NBEA: variants seen among roughly 807,000 people sequenced by gnomAD.
NBEA encodes the protein neurobeachin, also known as lysosomal-trafficking regulator 2.
In NBEA, 44 loss-of-function variants were observed where a neutral mutation model predicts 343.4. The ratio of observed to expected loss-of-function variants is 0.13; its 90% confidence interval spans 0.10 to 0.16. The LOEUF (loss-of-function observed/expected upper bound fraction) is 0.16, where lower values mean the gene tolerates loss of function less well. Among genes scored for constraint, NBEA ranks in the 10% least tolerant of loss-of-function variants. The pLI is 1.00. For missense variants in NBEA, 2,555 were observed against 3,631.3 expected (o/e 0.70, Z 7.62); for synonymous variants, 1,175 against 1,238.7 (o/e 0.95, Z 1.08).
intron 48 of NBEA, among the ~76,000 whole-genome samples, chr13:35,611,088 GCACAATAGCTGAAATT>G (rs970556395): frequency 6.7e-6 from 1 of 150,212 alleles, no homozygotes; most frequent in Non-Finnish European, 1.5e-5. Flanking sequence ...TGGTAGAGAT[GCACAATAGCTGAAATT>G]CACATATCCT....
At chr13:35,666,525 A>G (rs1057161675) in intron 56 of NBEA, among the ~76,000 whole-genome samples, 3 of 151,984 alleles carry the variant, frequency 2.0e-5, no homozygotes, top group Admixed American at 6.5e-5. Flanking sequence ...CTAATTTTCT[A>G]TAGGGCAAGT....
intron 38 of NBEA, among the ~76,000 whole-genome samples, chr13:35,409,095 A>G (rs1261997583): frequency 6.6e-6 from 1 of 152,210 alleles, no homozygotes; most frequent in Non-Finnish European, 1.5e-5. Flanking sequence ...GAATCAACCT[A>G]AATACCCATC....
chr13:35,196,900 T>C (rs2072649099), intron 31 of NBEA, among the ~76,000 whole-genome samples: 1 of 152,172 alleles, frequency 6.6e-6, no homozygotes, highest in South Asian at 2.1e-4. Flanking sequence ...GCATTTTAGG[T>C]ATCGAAACTA....
At chr13:35,664,036 T>C (rs1387714330) in intron 55 of NBEA, among the ~76,000 whole-genome samples, 1 of 152,020 alleles carries the variant, frequency 6.6e-6, no homozygotes, top group Admixed American at 6.6e-5. Flanking sequence ...GAGTGGAAGA[T>C]GTGGGTCGTC....
intron 40 of NBEA, among the ~76,000 whole-genome samples, chr13:35,463,109 A>G (rs1303376770): frequency 2.6e-5 from 4 of 152,220 alleles, no homozygotes; most frequent in Admixed American, 2.6e-4. Flanking sequence ...GCCCTGTGGC[A>G]CAAGGTTTAA....
At chr13:35,389,700 T>C (rs1290833367) in intron 38 of NBEA, among the ~76,000 whole-genome samples, 1 of 152,142 alleles carries the variant, frequency 6.6e-6, no homozygotes, top group African/African-American at 2.4e-5. Context: ...AAGCATTTAT[T>C]ATAATTATCA....
chr13:35,451,619 A>G, intron 39 of NBEA, among the ~76,000 whole-genome samples: 1 of 152,186 alleles, frequency 6.6e-6, no homozygotes, highest in Non-Finnish European at 1.5e-5. Flanking sequence ...CTGCATACTT[A>G]TCCACTTTCA....
Position 35,100,594 on chromosome 13 carries a change from A to G in NBEA, c.1680+2189A>G, listed in dbSNP as rs986941709. On this transcript the variant is annotated intron_variant, in intron 11 of 58. Coordinates refer to ENST00000379939, the MANE Select transcript of NBEA (RefSeq NM_001385012.1). ...ATTTGCTTTCATTTGTTTGATGAGA[A>G]TGTATCAGAAAATTCTAAAGTAAAT... Among the ~76,000 whole-genome samples, 29 of 152,146 alleles carry G rather than the reference A, an allele frequency of 1.9e-4. 1 individual carries two copies. Among genetic ancestry groups the G allele is most frequent in the African/African-American group, 7.0e-4 (29 of 41,572 alleles).
intron 31 of NBEA, among the ~76,000 whole-genome samples, chr13:35,201,261 T>G (rs2073001739): frequency 6.6e-6 from 1 of 152,044 alleles, no homozygotes; most frequent in Non-Finnish European, 1.5e-5. Flanking sequence ...TCCTGGCATT[T>G]ATAGAGAGCT....
At chr13:35,478,270 G>T (rs61949164) in intron 41 of NBEA, among the ~76,000 whole-genome samples, 19,227 of 152,242 alleles carry the variant, frequency 0.13, 1,627 homozygotes, top group Middle Eastern at 0.3. Flanking sequence ...TGGGGTGCGT[G>T]GCACCCAGCT....
chr13:35,545,366 C>T (rs1318477709), intron 41 of NBEA, among the ~76,000 whole-genome samples: 2 of 152,168 alleles, frequency 1.3e-5, no homozygotes, highest in African/African-American at 4.8e-5. Flanking sequence ...CTCCCTAGCG[C>T]TGTGCCTCAA....
chr13:35,294,737 T>G (rs1773648421), intron 35 of NBEA, among the ~76,000 whole-genome samples: 1 of 152,152 alleles, frequency 6.6e-6, no homozygotes, highest in African/African-American at 2.4e-5. Context: ...TACTTAAAAC[T>G]GAATATAAAT....
chr13:35,610,411 A>AAAAAT (rs2082456779), intron 48 of NBEA, among the ~76,000 whole-genome samples: 1 of 152,174 alleles, frequency 6.6e-6, no homozygotes, highest in African/African-American at 2.4e-5. Context: ...CCTCTCTCAA[A>AAAAAT]AAAATAAAAT....
chr13:35,170,962 T>C (rs904260824), intron 25 of NBEA: 1 of 344,164 alleles, frequency 2.9e-6, no homozygotes. Flanking sequence ...TAAGTACATA[T>C]ATGTGGTTCT....
intron 36 of NBEA, among the ~76,000 whole-genome samples, chr13:35,316,339 T>C (rs147878155): frequency 0.014 from 2,147 of 152,182 alleles, 51 homozygotes; most frequent in African/African-American, 0.049. Flanking sequence ...CTCCCACTTA[T>C]GAGTGAGAAC....
At chr13:35,474,094 T>C (rs2075764098) in intron 41 of NBEA, 1 of 152,222 alleles carries the variant, frequency 6.6e-6, no homozygotes, top group South Asian at 2.1e-4. Flanking sequence ...TTTTTAAGGA[T>C]TTCATTAGCA....
chr13:35,497,770 A>G (rs906965976), intron 41 of NBEA, among the ~76,000 whole-genome samples: 1 of 152,074 alleles, frequency 6.6e-6, no homozygotes, highest in African/African-American at 2.4e-5. Context: ...CTATGTATTT[A>G]TAATCTTATT....
intron 41 of NBEA, among the ~76,000 whole-genome samples, chr13:35,490,529 G>A (rs1387047490): frequency 6.6e-6 from 1 of 151,838 alleles, no homozygotes; most frequent in Non-Finnish European, 1.5e-5. Flanking sequence ...ATACCCTGAC[G>A]TAAGAAGTTA....
intron 44 of NBEA, among the ~76,000 whole-genome samples, chr13:35,563,132 G>GAGATAGATAGAT (rs3075543): frequency 1.2e-3 from 145 of 123,586 alleles, no homozygotes; most frequent in Admixed American, 4.8e-3. Context: ...TGTGTGTGTG[G>GAGATAGATAGAT]AGATAGATAG....
Sources: gnomAD v4.1 joint callset for allele counts (sites outside exome capture counted in the v4.1 genomes callset) on GRCh38, gnomAD v4.1.1 for gene constraint, MANE v1.5 for transcripts, NCBI Gene and HGNC (gene_info 2026-07-23, HGNC 2026-07-21) for gene names.